ARHGEF2: variants seen among roughly 807,000 people sequenced by gnomAD.
The protein encoded by ARHGEF2 is Rho/Rac guanine nucleotide exchange factor 2.
Under a neutral mutation model 121.0 loss-of-function variants are expected in ARHGEF2, and 22 were observed. The observed-to-expected ratio is 0.18, with a 90% CI of 0.13 to 0.26. The LOEUF is 0.26. ARHGEF2 is among the 10% of genes least tolerant of loss of function. ARHGEF2 has a pLI of 1.00. For missense variants in ARHGEF2, 907 were observed against 1,336.0 expected (o/e 0.68, Z 5.01); for synonymous variants, 487 against 530.0 (o/e 0.92, Z 1.11).
At chr1:155,964,442 G>A (rs1678927757) in intron 7 of ARHGEF2, among the ~76,000 whole-genome samples, 1 of 151,768 alleles carries the variant, frequency 6.6e-6, no homozygotes, top group Non-Finnish European at 1.5e-5. Flanking sequence ...ACAGTCTCCA[G>A]CACGGTGTTA....
intron 1 of ARHGEF2, chr1:155,970,943 G>A (rs928042425): frequency 4.0e-5 from 39 of 985,886 alleles, no homozygotes; most frequent in African/African-American, 1.9e-4. Context: ...TCCATTTTTC[G>A]CATCCTCCTC....
Position 155,963,136 on chromosome 1 carries a change from T to C in ARHGEF2, c.772A>G (p.Thr258Ala). The C allele has an allele frequency of 6.2e-7, 1 of 1,612,092 alleles. No homozygotes were observed. The highest frequency in any genetic ancestry group is 8.5e-7 in the Non-Finnish European group (1 of 1,179,536). The change falls in exon 8 of 22, where the codon ACC becomes GCC. Residue 258 changes from threonine (T) to alanine (A), a missense_variant. Coordinates refer to ENST00000361247, the MANE Select transcript of ARHGEF2 (RefSeq NM_001162383.2). ...LHHVRTLKIM[T>A]RLFRTGMLEE... Reference sequence around the variant, plus strand: ...AGCATCCCCGTGCGGAAGAGGCGGGTCATGATCTTCAGTGTCCTCACATGG... The same window carrying C: ...AGCATCCCCGTGCGGAAGAGGCGGGCCATGATCTTCAGTGTCCTCACATGG...
rs1469949613 is a variant in ARHGEF2, at chr1:155,972,454, CCTGCTCCAGAGGTGG to C, written c.64-3169_64-3155del. 1.4e-5 allele frequency: 5 copies of C among 359,180 alleles called. No homozygotes were observed. In the Admixed American group the frequency reaches 1.6e-4, roughly 11 times the overall value. The allele number at this position is 359,180 out of a possible 1,614,324, so 22.2% of individuals were successfully genotyped here. On this transcript the variant is annotated intron_variant, in intron 1 of 21. Transcript: ENST00000361247. ...ACATAGGGCCTGCTTACCAGGGGTG[CCTGCTCCAGAGGTGG>C]AGTGAGTGGGCTTGTTTGGTTCTTT...
At position 155,969,585 on chromosome 1, in the gene ARHGEF2, A is replaced by C. The variant is rs529419036; in HGVS notation, c.64-285T>G. On this transcript the variant is annotated intron_variant, in intron 1 of 21. Transcript: ENST00000361247. ...TGTTGCCACTCATCTCCCTGGCTCT[A>C]GGTCTCTGCGTCCTCACTCCACCTT... The C allele has an allele frequency of 2.7e-5, 34 of 1,274,640 alleles. No homozygotes were observed. The East Asian group carries it at 1.2e-3, about 45-fold the overall frequency. The allele number at this position is 1,274,640 out of a possible 1,614,324, so 79.0% of individuals were successfully genotyped here. A position where few individuals can be genotyped will look rare whatever the true frequency, so the allele number is the denominator to read the frequency against.
At chr1:155,978,646 C>CCG, upstream of ARHGEF2, 1 of 1,199,278 alleles carries the variant, frequency 8.3e-7, no homozygotes, top group Non-Finnish European at 1.1e-6. This position sits in a 1 kb window ranked among gnomAD's most constrained non-coding sequence, Gnocchi z 4.1. Context: ...GGCGGGGTGC[C>CCG]CGCGCGCAGG....
chr1:155,973,961 G>A (rs556187878), intron 1 of ARHGEF2, among the ~76,000 whole-genome samples: 6 of 151,902 alleles, frequency 3.9e-5, no homozygotes, highest in Non-Finnish European at 2.9e-5. Context: ...CAGGCAGCAA[G>A]GCCAGGCAGA....
Position 155,964,157 on chromosome 1 carries a change from AAAAAAAAAAAATATATAT to A in ARHGEF2, c.724+813_724+830del, listed in dbSNP as rs1276758552. On this transcript the variant is annotated intron_variant, in intron 7 of 21. Coordinates refer to ENST00000361247, the MANE Select transcript of ARHGEF2 (RefSeq NM_001162383.2). ...AAGACTCTGCTTCAAAAAAAAAAAA[AAAAAAAAAAAATATATAT>A]ATATATATATATATATATATATACA... 3.9e-4 allele frequency among the ~76,000 whole-genome samples: 29 copies of A among 74,880 alleles called. 1 individual carries two copies. The highest frequency in any genetic ancestry group is 6.8e-4 in the East Asian group (1 of 1,464). 49.1% of individuals were successfully genotyped at this position (74,880 alleles called of 152,430 possible).
rs1328460808 is a variant in ARHGEF2 at position 155,961,568 on chromosome 1, C to A, written c.1468+93G>T. On this transcript the variant is annotated intron_variant, in intron 11 of 21. Coordinates refer to ENST00000361247, the MANE Select transcript of ARHGEF2 (RefSeq NM_001162383.2). This position sits in a 1 kb window ranked among gnomAD's most constrained non-coding sequence, Gnocchi z 4.7. ...GGATTACAGGCGTTGAGCCACTGCA[C>A]CCGGCCAAGAGAGGTTGATTCTAAG... The A allele has an allele frequency of 5.9e-6, 9 of 1,528,130 alleles. No homozygotes were observed. The highest frequency in any genetic ancestry group is 7.9e-6 in the Non-Finnish European group (9 of 1,138,166). 94.7% of individuals were successfully genotyped at this position (1,528,130 alleles called of 1,614,324 possible). A position where few individuals can be genotyped will look rare whatever the true frequency, so the allele number is the denominator to read the frequency against.
intron 4 of ARHGEF2, among the ~76,000 whole-genome samples, 178 bp downstream of exon 4, chr1:155,966,238 C>T (rs909977800): frequency 1.3e-5 from 2 of 152,168 alleles, no homozygotes; most frequent in African/African-American, 4.8e-5. Context: ...CTCTCTCTCC[C>T]CTTCTGCCTC....
At chr1:155,948,456 C>T (rs1194779350) in intron 21 of ARHGEF2, among the ~76,000 whole-genome samples, 1 of 151,912 alleles carries the variant, frequency 6.6e-6, no homozygotes, top group African/African-American at 2.4e-5. Flanking sequence ...ATGGTGAAAC[C>T]CCATCTCTAC....
At chr1:155,972,540 C>T (rs1351082754) in intron 1 of ARHGEF2, among the ~76,000 whole-genome samples, 1 of 152,018 alleles carries the variant, frequency 6.6e-6, no homozygotes, top group African/African-American at 2.4e-5. Flanking sequence ...CATTGGTCTC[C>T]CATTTACCCA....
chr1:155,973,636 C>T (rs900385241), intron 1 of ARHGEF2, among the ~76,000 whole-genome samples: 8 of 151,950 alleles, frequency 5.3e-5, no homozygotes, highest in Non-Finnish European at 8.8e-5. Flanking sequence ...ATCCCAACTA[C>T]TCAGGAGGCT....
Position 155,962,938 on chromosome 1 carries a change from T to C in ARHGEF2, c.970A>G (p.Ser324Gly). ...VIHRLGDLLI[S>G]QFSGPSAEQM... ...GGGGTCCTGCCTTTTCCCACCTGGC[T>C]GATGAGCAGATCACCCAAGCGATGG... Residue 324 changes from serine to glycine, a missense_variant, in exon 8 of 22, where the codon AGC (serine) becomes GGC (glycine). By Grantham distance (56) the Ser-to-Gly change is moderately conservative. Coordinates refer to ENST00000361247, the MANE Select transcript of ARHGEF2 (RefSeq NM_001162383.2). This position sits in a 1 kb window ranked among gnomAD's most constrained non-coding sequence, Gnocchi z 5.8. The C allele has an allele frequency of 6.2e-7, 1 of 1,614,160 alleles. No homozygotes were observed. The highest frequency in any genetic ancestry group is 8.5e-7 in the Non-Finnish European group (1 of 1,180,006).
rs149243000 is a variant in ARHGEF2, at chr1:155,953,285, T to G, written c.1784-457A>C. Among the ~76,000 whole-genome samples, 246 of 148,370 alleles carry G rather than the reference T, an allele frequency of 1.7e-3. 2 individuals carry two copies. Among genetic ancestry groups the G allele is most frequent in the South Asian group, 4.7e-3 (22 of 4,654 alleles). ...TGTCTCAAAAAAAAAAAAAAAAGAT[T>G]TGTGGAAGGGGTTGCAGGTTGTCCA... On this transcript the variant is annotated intron_variant, in intron 14 of 21. Transcript: ENST00000361247.
rs1409188283 is a variant in ARHGEF2 at position 155,961,420 on chromosome 1, G to A, written c.1468+241C>T. ...CTCCTGAGTAGCTGGGACTATAGGC[G>A]CCCACCACCACGCCCGGCGAATTTT... is the stretch of plus-strand genomic sequence containing the variant. On this transcript the variant is annotated intron_variant, in intron 11 of 21. Transcript: ENST00000361247. The surrounding 1 kb of genome is among the most constrained non-coding windows in gnomAD (Gnocchi z 4.7). 3.3e-5 allele frequency among the ~76,000 whole-genome samples: 5 copies of A among 151,878 alleles called. No homozygotes were observed. The highest frequency in any genetic ancestry group is 2.0e-4 in the Admixed American group (3 of 15,228).
In ARHGEF2 at chr1:155,952,134, T is replaced by C. The variant is rs1455102229; in HGVS notation, c.2086A>G (p.Ser696Gly). 2.5e-6 allele frequency: 4 copies of C among 1,614,028 alleles called. No homozygotes were observed. The highest frequency in any genetic ancestry group is 3.4e-6 in the Non-Finnish European group (4 of 1,180,038). Reference protein sequence around the residue: ...PLEPDSGGNTSPGVTANGEAR... With the variant: ...PLEPDSGGNTGPGVTANGEAR... ...TACTCACTGGCAGTGACCCCAGGAC[T>C]CGTGTTACCACCGCTGTCTGGTTCC... Residue 696 changes from serine (S) to glycine (G), a missense_variant, in exon 16 of 22, where the codon AGT becomes GGT. Ser to Gly is a moderately conservative substitution (Grantham distance 56, BLOSUM62 0). Around this residue, in one of 2 missense-constraint regions of ARHGEF2, gnomAD observed 432 missense variants for 559.5 expected, o/e 0.77. Transcript: ENST00000361247.
At chr1:155,977,454 G>C (rs1169740371) in intron 1 of ARHGEF2, among the ~76,000 whole-genome samples, 1 of 152,074 alleles carries the variant, frequency 6.6e-6, no homozygotes, top group Admixed American at 6.6e-5. Flanking sequence ...TATACACCCA[G>C]ACTCATGAAA....
At chr1:155,952,285 G>A (rs770610428) in intron 15 of ARHGEF2, 50 bp from the exon 16 acceptor site, 3 of 1,607,438 alleles carry the variant, frequency 1.9e-6, no homozygotes, top group Admixed American at 1.7e-5. Context: ...AGGACCCTGA[G>A]GGGAATGCCA....
At chr1:155,949,693 A>G (rs1158466130) in intron 21 of ARHGEF2, among the ~76,000 whole-genome samples, 1 of 151,756 alleles carries the variant, frequency 6.6e-6, no homozygotes, top group Non-Finnish European at 1.5e-5. Flanking sequence ...CCTGGCCAAC[A>G]TAGTGAAACC....
Sources: allele counts gnomAD v4.1 joint callset (sites outside exome capture counted in the v4.1 genomes callset), GRCh38; gene constraint gnomAD v4.1.1; regional missense constraint gnomAD v4.1.1; non-coding constraint Gnocchi (gnomAD v3.1); transcripts MANE v1.5; gene names NCBI Gene and HGNC (gene_info 2026-07-23, HGNC 2026-07-21).